The following STRN variants were observed in gnomAD, a reference collection of about 807,000 sequenced individuals.
The protein encoded by STRN is protein phosphatase 2 regulatory subunit B'''alpha.
In STRN, 53 loss-of-function variants were observed where a neutral mutation model predicts 96.3. That is an observed-to-expected ratio of 0.55 (90% confidence interval 0.44 to 0.69). The LOEUF is 0.69. Among genes scored for constraint, STRN ranks in the 30% least tolerant of loss-of-function variants. The pLI, the probability that STRN is intolerant of heterozygous loss-of-function variation, is 0.00. For missense variants in STRN, 987 were observed against 963.9 expected, an observed-to-expected ratio of 1.02 and a Z score of -0.32; for synonymous variants, 428 against 355.9, an observed-to-expected ratio of 1.20 and a Z score of -2.28.
intron 3 of STRN, among the ~76,000 whole-genome samples, chr2:36,914,374 A>C (rs1386454555): frequency 3.3e-5 from 5 of 152,260 alleles, no homozygotes; most frequent in Non-Finnish European, 5.9e-5. Context: ...AAAACTTTTA[A>C]ATACAACACT....
intron 1 of STRN, among the ~76,000 whole-genome samples, chr2:36,931,057 AAAG>A (rs1670562102): frequency 6.6e-6 from 1 of 151,958 alleles, no homozygotes; most frequent in Non-Finnish European, 1.5e-5. Flanking sequence ...AGAAAGAAGC[AAAG>A]AATAGTCCCA....
Position 36,842,718 on chromosome 2 carries a change from G to C in STRN, c.*6738C>G, listed in dbSNP as rs1410072742. On this transcript the variant is annotated 3_prime_UTR_variant, in exon 18 of 18. Coordinates refer to ENST00000263918, the MANE Select transcript of STRN (RefSeq NM_003162.4). ...GATACTTAGAAGCGAGTCATTTTATGTTTGGTGGGTTTTGAATCATTTGAT... is the reference window on the plus strand; with the variant it reads ...GATACTTAGAAGCGAGTCATTTTATCTTTGGTGGGTTTTGAATCATTTGAT... Among the ~76,000 whole-genome samples the C allele has an allele frequency of 6.6e-6, 1 of 151,942 alleles. No homozygotes were observed. The highest frequency in any genetic ancestry group is 2.4e-5 in the African/African-American group (1 of 41,300).
intron 14 of STRN, 129 bp from the exon 15 acceptor site, chr2:36,855,481 A>G (rs1200871599): frequency 6.8e-6 from 6 of 886,222 alleles, no homozygotes; most frequent in African/African-American, 1.7e-5. Context: ...TAGAATAAGA[A>G]TTAGCTCATA....
intron 1 of STRN, among the ~76,000 whole-genome samples, chr2:36,934,089 A>AC (rs1190273619): frequency 2.0e-5 from 3 of 152,328 alleles, no homozygotes; most frequent in African/African-American, 7.2e-5. Context: ...AGCCTGGGTG[A>AC]CAGAGGGAGA....
At chr2:36,965,438 G>C (rs1665135025) in intron 1 of STRN, among the ~76,000 whole-genome samples, 1 of 152,172 alleles carries the variant, frequency 6.6e-6, no homozygotes, top group African/African-American at 2.4e-5. Flanking sequence ...GATTATGCAA[G>C]GCAATGTAAC....
intron 6 of STRN, among the ~76,000 whole-genome samples, chr2:36,898,665 C>G (rs1280602717): frequency 6.6e-6 from 1 of 152,150 alleles, no homozygotes; most frequent in Non-Finnish European, 1.5e-5. Context: ...AAAACTAAGC[C>G]TGAAGCATTA....
At chr2:36,924,933 A>G (rs1254550740) in intron 2 of STRN, among the ~76,000 whole-genome samples, 172 bp downstream of exon 2, 2 of 152,084 alleles carry the variant, frequency 1.3e-5, no homozygotes, top group African/African-American at 4.8e-5. Context: ...GCACATGCCT[A>G]TAATCCCAGC....
At chr2:36,920,208 A>G (rs917476105) in intron 2 of STRN, among the ~76,000 whole-genome samples, 1 of 152,218 alleles carries the variant, frequency 6.6e-6, no homozygotes, top group East Asian at 1.9e-4. Flanking sequence ...GTATATTTCA[A>G]ATTTTCCTCA....
intron 1 of STRN, among the ~76,000 whole-genome samples, chr2:36,948,240 T>A (rs916907619): frequency 6.6e-6 from 1 of 151,742 alleles, no homozygotes; most frequent in African/African-American, 2.4e-5. Context: ...TAGCTGGGAT[T>A]ACAGGCATGT....
chr2:36,906,236 G>A (rs1179242973), intron 3 of STRN, among the ~76,000 whole-genome samples: 2 of 152,198 alleles, frequency 1.3e-5, no homozygotes, highest in African/African-American at 4.8e-5. Flanking sequence ...GGCCAAGGCA[G>A]GTGGATCTCT....
chr2:36,922,250 G>A (rs1376903965), intron 2 of STRN, among the ~76,000 whole-genome samples: 1 of 152,138 alleles, frequency 6.6e-6, no homozygotes, highest in Non-Finnish European at 1.5e-5. Context: ...TGGGCATGGT[G>A]ACTCACGCCT....
chr2:36,904,732 G>A (rs1252472202), intron 4 of STRN, among the ~76,000 whole-genome samples: 1 of 152,144 alleles, frequency 6.6e-6, no homozygotes. Context: ...GGAGGCTGAC[G>A]CAAGAGAATC....
At chr2:36,852,899 G>A (rs948419845) in intron 15 of STRN, among the ~76,000 whole-genome samples, 1 of 152,192 alleles carries the variant, frequency 6.6e-6, no homozygotes, top group African/African-American at 2.4e-5. Flanking sequence ...GCTCACACCT[G>A]TAATCGCAGC....
At chr2:36,859,890 C>T (rs1330274362) in intron 13 of STRN, among the ~76,000 whole-genome samples, 2 of 152,086 alleles carry the variant, frequency 1.3e-5, no homozygotes, top group African/African-American at 4.8e-5. Context: ...AATCTTGTTA[C>T]ATGTAAGTGT....
chr2:36,862,475 C>CT (rs1380009397), intron 12 of STRN, among the ~76,000 whole-genome samples: 15 of 152,214 alleles, frequency 9.9e-5, no homozygotes, highest in African/African-American at 3.4e-4. Context: ...TCATTGTGGT[C>CT]TTGATTTGCA....
chr2:36,965,129 C>A (rs541997558), intron 1 of STRN, among the ~76,000 whole-genome samples: 12 of 152,136 alleles, frequency 7.9e-5, no homozygotes, highest in African/African-American at 2.9e-4. Flanking sequence ...TTCTTAAGCG[C>A]CAAATACATG....
chr2:36,961,899 G>A (rs1331406357), intron 1 of STRN, among the ~76,000 whole-genome samples: 1 of 152,078 alleles, frequency 6.6e-6, no homozygotes, highest in Non-Finnish European at 1.5e-5. Context: ...TTCCAAGCGT[G>A]CTCCCTTCCC....
intron 1 of STRN, among the ~76,000 whole-genome samples, chr2:36,938,448 T>G (rs1670761970): frequency 6.6e-6 from 1 of 151,584 alleles, no homozygotes; most frequent in African/African-American, 2.4e-5. Context: ...AAAAAAGAGT[T>G]TAAGAAATTA....
At chr2:36,939,317 T>A (rs1195285902) in intron 1 of STRN, among the ~76,000 whole-genome samples, 1 of 152,140 alleles carries the variant, frequency 6.6e-6, no homozygotes, top group Non-Finnish European at 1.5e-5. Flanking sequence ...CCCGTTGCTT[T>A]TACAGACCAA....
Sources: gnomAD v4.1 joint callset for allele counts (sites outside exome capture counted in the v4.1 genomes callset) on GRCh38, gnomAD v4.1.1 for gene constraint, MANE v1.5 for transcripts, NCBI Gene and HGNC (gene_info 2026-07-23, HGNC 2026-07-21) for gene names.